The following FSTL4 variants were observed in gnomAD, a reference collection of about 807,000 sequenced individuals.
FSTL4 encodes follistatin like 4.
A neutral mutation model predicts 78.2 loss-of-function variants in FSTL4; 28 were observed. The ratio of observed to expected loss-of-function variants is 0.36; its 90% CI spans 0.27 to 0.49. The LOEUF (loss-of-function observed/expected upper bound fraction) is 0.49. Ranked by LOEUF, FSTL4 falls within the 20% of genes least tolerant of loss-of-function variation. The probability of loss-of-function intolerance (pLI) is 0.98; values close to 1 mark genes in which losing one functional copy is unlikely to be tolerated. For missense variants in FSTL4, 922 were observed against 1,084.9 expected, an observed-to-expected ratio of 0.85 and a Z score of 2.11; for synonymous variants, 422 against 440.5, an observed-to-expected ratio of 0.96 and a Z score of 0.53.
At chr5:133,570,863 G>A (rs1760139765) in intron 2 of FSTL4, among the ~76,000 whole-genome samples, 1 of 152,114 alleles carries the variant, frequency 6.6e-6, no homozygotes, top group South Asian at 2.1e-4. Context: ...GTTTTGCATA[G>A]AAGCCAAACA....
intron 7 of FSTL4, among the ~76,000 whole-genome samples, chr5:133,235,351 T>C (rs1299223185): frequency 6.6e-6 from 1 of 151,784 alleles, no homozygotes; most frequent in Non-Finnish European, 1.5e-5. Context: ...ACAAAAAAAT[T>C]AGCTGGGCGT....
chr5:133,712,175 C>A, the FSTL4 span, among the ~76,000 whole-genome samples: 2 of 152,178 alleles, frequency 1.3e-5, no homozygotes, highest in Admixed American at 6.5e-5. Context: ...CATCACCATG[C>A]GATTTATGCA....
chr5:133,674,870 A>G, the FSTL4 span, among the ~76,000 whole-genome samples: 1 of 152,180 alleles, frequency 6.6e-6, no homozygotes, highest in Admixed American at 6.5e-5. Context: ...TGATAATCAC[A>G]TATTCATTAA....
At chr5:133,297,171 T>G (rs1013707550) in intron 6 of FSTL4, among the ~76,000 whole-genome samples, 2 of 152,254 alleles carry the variant, frequency 1.3e-5, no homozygotes, top group African/African-American at 4.8e-5. Context: ...ACAAATGGTA[T>G]CCTACGTGCA....
At chr5:133,717,841 T>C in the FSTL4 span, among the ~76,000 whole-genome samples, 1 of 152,384 alleles carries the variant, frequency 6.6e-6, no homozygotes, top group East Asian at 1.9e-4. Context: ...ACATTAGGAT[T>C]GTTGCCAGTT....
chr5:133,318,201 C>T (rs1186542774), intron 4 of FSTL4, among the ~76,000 whole-genome samples: 1 of 152,172 alleles, frequency 6.6e-6, no homozygotes, highest in Non-Finnish European at 1.5e-5. Context: ...GACAAGAACG[C>T]CTCTCTCCCA....
chr5:133,467,797 T>C (rs2112845437), intron 3 of FSTL4, among the ~76,000 whole-genome samples: 1 of 152,342 alleles, frequency 6.6e-6, no homozygotes, highest in Middle Eastern at 3.4e-3. Context: ...GGTGACTGCT[T>C]TCTGGCTGTT....
chr5:133,776,719 G>C, the FSTL4 span, among the ~76,000 whole-genome samples: 7 of 152,148 alleles, frequency 4.6e-5, no homozygotes, highest in African/African-American at 1.7e-4. Flanking sequence ...CTCCTTTTCT[G>C]TATTCAGATA....
chr5:133,641,247 A>G, the FSTL4 span, among the ~76,000 whole-genome samples: 2,480 of 136,614 alleles, frequency 0.018, 69 homozygotes, highest in African/African-American at 0.061. Flanking sequence ...AAACAAAACA[A>G]AACAAAACAC....
chr5:133,606,633 C>T (rs1760984561), intron 1 of FSTL4, among the ~76,000 whole-genome samples: 1 of 152,222 alleles, frequency 6.6e-6, no homozygotes, highest in Admixed American at 6.5e-5. Context: ...TACTATCAAA[C>T]ATTGCTCACA....
intron 2 of FSTL4, 77 bp downstream of exon 2, chr5:133,603,781 G>A: frequency 1.4e-6 from 2 of 1,478,980 alleles, no homozygotes; most frequent in African/African-American, 1.4e-5. Flanking sequence ...TAAACTAAAG[G>A]TGGAGGGGAA....
intron 3 of FSTL4, among the ~76,000 whole-genome samples, chr5:133,423,434 C>G (rs1050591337): frequency 1.3e-5 from 2 of 152,218 alleles, no homozygotes; most frequent in Non-Finnish European, 2.9e-5. Flanking sequence ...TTTCACAGCA[C>G]TCTCTGTGGA....
the FSTL4 span, among the ~76,000 whole-genome samples, chr5:133,708,434 C>G: frequency 6.6e-6 from 1 of 152,174 alleles, no homozygotes; most frequent in Non-Finnish European, 1.5e-5. Context: ...CTGACCTTCA[C>G]TATGTGACCT....
chr5:133,738,772 C>A, the FSTL4 span, among the ~76,000 whole-genome samples: 14 of 152,040 alleles, frequency 9.2e-5, no homozygotes, highest in Non-Finnish European at 1.9e-4. Flanking sequence ...CCAGAAAGAC[C>A]CCAGAGTTCT....
At chr5:133,475,870 G>A (rs971373840) in intron 3 of FSTL4, among the ~76,000 whole-genome samples, 4 of 152,080 alleles carry the variant, frequency 2.6e-5, no homozygotes, top group Non-Finnish European at 5.9e-5. Flanking sequence ...CTGCTCTCAC[G>A]CGTGTGTGAG....
chr5:133,764,207 C>T, the FSTL4 span, among the ~76,000 whole-genome samples: 1 of 152,196 alleles, frequency 6.6e-6, no homozygotes, highest in African/African-American at 2.4e-5. Flanking sequence ...TTCCTTCCTC[C>T]TTCCTGCCCA....
chr5:133,216,384 G>A (rs796355158), intron 13 of FSTL4, among the ~76,000 whole-genome samples: 2 of 148,114 alleles, frequency 1.4e-5, no homozygotes, highest in South Asian at 2.1e-4. Flanking sequence ...TCCACCTCCC[G>A]GGTTGAAGTG....
At chr5:133,242,653 C>A (rs570148677) in intron 7 of FSTL4, among the ~76,000 whole-genome samples, 1 of 152,134 alleles carries the variant, frequency 6.6e-6, no homozygotes, top group African/African-American at 2.4e-5. Flanking sequence ...GGCTGGAGTA[C>A]CATAGGCCCC....
At chr5:133,601,852 T>C (rs1760877145) in intron 2 of FSTL4, among the ~76,000 whole-genome samples, 1 of 151,836 alleles carries the variant, frequency 6.6e-6, no homozygotes, top group South Asian at 2.1e-4. Context: ...CCCAGCTCAC[T>C]TTTGTATTTT....
Sources: allele counts gnomAD v4.1 joint callset (sites outside exome capture counted in the v4.1 genomes callset), GRCh38; gene constraint gnomAD v4.1.1; transcripts MANE v1.5; gene names NCBI Gene and HGNC (gene_info 2026-07-23, HGNC 2026-07-21).